The following FTO variants were observed in gnomAD, a reference collection of about 807,000 sequenced individuals.
FTO encodes the protein alpha-ketoglutarate-dependent dioxygenase FTO.
Under a neutral mutation model 63.9 loss-of-function variants are expected in FTO, and 47 were observed. The ratio of observed to expected loss-of-function variants is 0.74; its 90% CI spans 0.58 to 0.94. The LOEUF (loss-of-function observed/expected upper bound fraction) is 0.94. Ranked by LOEUF, FTO falls within the 40% of genes least tolerant of loss-of-function variation. The pLI is 0.00. For missense variants in FTO, 562 were observed against 618.1 expected (o/e 0.91, Z 0.96); for synonymous variants, 207 against 224.4 (o/e 0.92, Z 0.69).
intron 7 of FTO, among the ~76,000 whole-genome samples, chr16:53,900,046 G>C (rs1204762814): frequency 6.6e-6 from 1 of 152,174 alleles, no homozygotes; most frequent in African/African-American, 2.4e-5. Flanking sequence ...AGAGAAATCA[G>C]TTGTGTTTGT....
At chr16:53,972,354 A>G (rs1447373856) in intron 8 of FTO, among the ~76,000 whole-genome samples, 1 of 152,168 alleles carries the variant, frequency 6.6e-6, no homozygotes, top group Non-Finnish European at 1.5e-5. Context: ...GTCCAATATC[A>G]TCCTTCATCT....
chr16:53,872,615 G>A (rs185911971), intron 4 of FTO, among the ~76,000 whole-genome samples: 2 of 152,272 alleles, frequency 1.3e-5, no homozygotes, highest in Admixed American at 1.3e-4. Context: ...TTTTGTAGTT[G>A]TTTAAGACAG....
chr16:54,111,758 C>T lies in FTO; in HGVS notation c.1365-4C>T, dbSNP rs1341680509. ...GGATTAATTTCCTATTTTTACTCTT[C>T]CAGGTGCCAGTCACGAATTGCCCGA... On this transcript the variant is annotated splice_polypyrimidine_tract_variant and splice_region_variant and intron_variant, in intron 8 of 8. Coordinates refer to ENST00000471389, the MANE Select transcript of FTO (RefSeq NM_001080432.3). The T allele has an allele frequency of 6.2e-7, 1 of 1,613,984 alleles. No homozygotes were observed. Among genetic ancestry groups the T allele is most frequent in the African/African-American group, 1.3e-5 (1 of 74,906 alleles).
chr16:54,055,123 A>G (rs1336546717), intron 8 of FTO, among the ~76,000 whole-genome samples: 1 of 152,246 alleles, frequency 6.6e-6, no homozygotes, highest in Admixed American at 6.5e-5. Context: ...ACTAGGATTA[A>G]GTGGGCGACA....
At chr16:53,798,904 T>C (rs2111650) in intron 1 of FTO, among the ~76,000 whole-genome samples, 20,591 of 152,114 alleles carry the variant, frequency 0.14, 3,195 homozygotes, top group East Asian at 0.4. Flanking sequence ...TTTATTAAGA[T>C]GAAGAAATTC....
At chr16:54,073,024 T>C (rs74019723) in intron 8 of FTO, among the ~76,000 whole-genome samples, 1 of 152,164 alleles carries the variant, frequency 6.6e-6, no homozygotes, top group Non-Finnish European at 1.5e-5. Flanking sequence ...TAGGCTGTAG[T>C]TGGGTATTCT....
intron 8 of FTO, among the ~76,000 whole-genome samples, chr16:54,019,682 G>A (rs953335743): frequency 9.9e-5 from 15 of 152,108 alleles, no homozygotes; most frequent in Non-Finnish European, 8.8e-5. Flanking sequence ...AGGAGAGCTG[G>A]CTTTCCTCTT....
At chr16:54,084,195 T>G (rs1396640359) in intron 8 of FTO, among the ~76,000 whole-genome samples, 1 of 152,248 alleles carries the variant, frequency 6.6e-6, no homozygotes, top group Non-Finnish European at 1.5e-5. Context: ...GAACGTGTTA[T>G]TTAACCCTTC....
chr16:54,080,514 A>G (rs1314484368), intron 8 of FTO, among the ~76,000 whole-genome samples: 1 of 152,200 alleles, frequency 6.6e-6, no homozygotes, highest in Non-Finnish European at 1.5e-5. Context: ...TACAGTCAGG[A>G]CTTCAATCAA....
chr16:53,730,892 G>T (rs985906527), intron 1 of FTO, among the ~76,000 whole-genome samples: 1 of 152,152 alleles, frequency 6.6e-6, no homozygotes, highest in Non-Finnish European at 1.5e-5. Context: ...CAATTAGCTT[G>T]TTTCATTTAT....
intron 7 of FTO, among the ~76,000 whole-genome samples, chr16:53,930,662 G>A (rs1356486381): frequency 1.3e-5 from 2 of 151,926 alleles, no homozygotes; most frequent in Non-Finnish European, 2.9e-5. Context: ...TCAATTTAAA[G>A]AAAAATATTA....
intron 8 of FTO, chr16:54,072,214 T>C (rs1336112640): frequency 6.6e-6 from 1 of 152,188 alleles, no homozygotes; most frequent in Admixed American, 6.5e-5. Flanking sequence ...AAGACATCAT[T>C]TGTATCTGCA....
chr16:53,704,139 A>C (rs1567909258), upstream of FTO: 3 of 1,544,878 alleles, frequency 1.9e-6, no homozygotes, highest in Non-Finnish European at 2.6e-6. Flanking sequence ...GTCCAGGGCG[A>C]GGGATCTACG....
At chr16:53,928,792 A>G (rs2082209978) in intron 7 of FTO, among the ~76,000 whole-genome samples, 2 of 152,028 alleles carry the variant, frequency 1.3e-5, no homozygotes, top group Admixed American at 6.5e-5. Context: ...ATACAATAAA[A>G]TTGGCCTTAT....
chr16:53,958,196 A>C (rs939263912), intron 8 of FTO, among the ~76,000 whole-genome samples: 61 of 152,194 alleles, frequency 4.0e-4, no homozygotes, highest in Non-Finnish European at 8.5e-4. Context: ...ATTTTAAGAG[A>C]TCAGTGAATC....
chr16:53,774,866 G>T (rs367897812), intron 1 of FTO, among the ~76,000 whole-genome samples: 1 of 152,104 alleles, frequency 6.6e-6, no homozygotes, highest in East Asian at 1.9e-4. Context: ...GATCAGGAAG[G>T]TACCACCATT....
Position 53,816,717 on chromosome 16 carries a change from G to A in FTO, c.123+6500G>A, listed in dbSNP as rs149482720. Among the ~76,000 whole-genome samples the A allele has an allele frequency of 3.0e-3, 461 of 152,072 alleles. 6 individuals are homozygous for A. Among genetic ancestry groups the A allele is most frequent in the Middle Eastern group, 0.014 (4 of 294 alleles). ...TCCCTTACCACCCTGTGGAAAGTAG[G>A]CATACTTACCCCAGCACTCCCTATC... On this transcript the variant is annotated intron_variant, in intron 2 of 8. Coordinates refer to ENST00000471389, the MANE Select transcript of FTO (RefSeq NM_001080432.3).
At chr16:53,792,923 GA>G (rs1426098011) in intron 1 of FTO, among the ~76,000 whole-genome samples, 1 of 152,160 alleles carries the variant, frequency 6.6e-6, no homozygotes, top group Non-Finnish European at 1.5e-5. Flanking sequence ...TTATGGTTTG[GA>G]ATGGTATTTT....
intron 1 of FTO, among the ~76,000 whole-genome samples, chr16:53,758,400 C>T (rs1776953509): frequency 6.6e-6 from 1 of 152,148 alleles, no homozygotes; most frequent in Non-Finnish European, 1.5e-5. Context: ...CCTTTTGTGA[C>T]CTCTGTTGTT....
Sources: allele counts gnomAD v4.1 joint callset (sites outside exome capture counted in the v4.1 genomes callset), GRCh38; gene constraint gnomAD v4.1.1; transcripts MANE v1.5; gene names NCBI Gene and HGNC (gene_info 2026-07-23, HGNC 2026-07-21).